RFX4: variants seen among roughly 807,000 people sequenced by gnomAD.
The protein encoded by RFX4 is transcription factor RFX4.
A neutral mutation model predicts 95.0 loss-of-function variants in RFX4; 10 were observed. The ratio of observed to expected loss-of-function variants is 0.11; its 90% CI spans 0.06 to 0.18. The LOEUF is 0.18. Among genes scored for constraint, RFX4 ranks in the 10% least tolerant of loss-of-function variants. The pLI, the probability that RFX4 is intolerant of heterozygous loss-of-function variation, is 1.00. For missense variants in RFX4, 640 were observed against 922.0 expected (o/e 0.69, Z 3.96); for synonymous variants, 321 against 340.7 (o/e 0.94, Z 0.64).
At chr12:106,700,358 TA>T (rs60943834) in intron 8 of RFX4, among the ~76,000 whole-genome samples, 4 of 150,994 alleles carry the variant, frequency 2.6e-5, no homozygotes, top group Non-Finnish European at 4.4e-5. Flanking sequence ...AAATACCTCT[TA>T]AAAAAAATTT....
At chr12:106,589,102 C>T (rs1000848644) in intron 1 of RFX4, among the ~76,000 whole-genome samples, 19 of 152,008 alleles carry the variant, frequency 1.2e-4, no homozygotes, top group Non-Finnish European at 1.5e-5. Context: ...GTGGGAGAAA[C>T]CCCCAATGTT....
At chr12:106,760,969 C>T (rs528398294) in intron 17 of RFX4, among the ~76,000 whole-genome samples, 3 of 152,172 alleles carry the variant, frequency 2.0e-5, no homozygotes, top group Admixed American at 1.3e-4. Context: ...CCAGTATAAC[C>T]GCATGAGTAA....
intron 4 of RFX4, among the ~76,000 whole-genome samples, chr12:106,667,741 G>A (rs959390300): frequency 3.3e-5 from 5 of 152,128 alleles, no homozygotes; most frequent in Admixed American, 3.3e-4. Context: ...CCTCTCTTAA[G>A]AACCCAAGAA....
At chr12:106,668,899 T>C (rs2041228894) in intron 4 of RFX4, among the ~76,000 whole-genome samples, 1 of 152,234 alleles carries the variant, frequency 6.6e-6, no homozygotes, top group Admixed American at 6.5e-5. Flanking sequence ...GGCTGGCTTA[T>C]GGATAGGCAC....
At position 106,724,195 on chromosome 12, in the gene RFX4, T is replaced by C. The variant is rs147093081; in HGVS notation, c.1351+3319T>C. 4.7e-3 allele frequency among the ~76,000 whole-genome samples: 710 copies of C among 152,346 alleles called. 18 individuals are homozygous for C. The highest frequency in any genetic ancestry group is 0.043 in the Admixed American group (660 of 15,296). On this transcript the variant is annotated intron_variant, in intron 13 of 17. Transcript: ENST00000392842. ...GCAAAGACAAGATAATGATGACTAT[T>C]ATAAGAAATATTTTGGAAGCACATA...
Position 106,622,939 on chromosome 12 carries a change from CT to C in RFX4, c.130+14057del, listed in dbSNP as rs368508834. ...CCTGCCCAAATTGCATTTTTTCCCC[CT>C]AGCAGGTGTCAAGAGTCTTGCCCAA... On this transcript the variant is annotated intron_variant, in intron 2 of 17. Transcript: ENST00000392842. Among the ~76,000 whole-genome samples, 412 of 151,578 alleles carry C rather than the reference CT, an allele frequency of 2.7e-3. 1 individual carries two copies. Among genetic ancestry groups the C allele is most frequent in the African/African-American group, 9.4e-3 (389 of 41,382 alleles).
intron 6 of RFX4, 134 bp downstream of exon 6, chr12:106,687,231 T>TA: frequency 1.3e-6 from 1 of 745,208 alleles, no homozygotes; most frequent in East Asian, 2.7e-5. Flanking sequence ...CACACATTTA[T>TA]TGCAAAACCG....
In RFX4 at chr12:106,586,980, T is replaced by TGC. The variant is rs1202900552; in HGVS notation, c.43+3627_43+3628dup. Among the ~76,000 whole-genome samples, 2 of 152,020 alleles carry TGC rather than the reference T, an allele frequency of 1.3e-5. No homozygotes were observed. The highest frequency in any genetic ancestry group is 2.9e-5 in the Non-Finnish European group (2 of 67,992). On this transcript the variant is annotated intron_variant, in intron 1 of 17. Coordinates refer to ENST00000392842, the MANE Select transcript of RFX4 (RefSeq NM_213594.3). The surrounding 1 kb of genome is among the most constrained non-coding windows in gnomAD (Gnocchi z 5.6). ...CTCGCCCTCCCCGGGCGTGTGTGTGTGCGCGCGCGCGGGCGAACGGGGCAT... is the reference window on the plus strand; with the variant it reads ...CTCGCCCTCCCCGGGCGTGTGTGTGTGCGCGCGCGCGCGGGCGAACGGGGCAT...
intron 16 of RFX4, among the ~76,000 whole-genome samples, 177 bp from the exon 17 acceptor site, chr12:106,750,478 A>C (rs1311332869): frequency 7.0e-6 from 1 of 142,572 alleles, no homozygotes; most frequent in Admixed American, 6.8e-5. Context: ...CCCTGACTCA[A>C]AAAAAAAAAA....
Position 106,715,450 on chromosome 12 carries a change from A to C in RFX4, c.1044A>C (p.Glu348Asp), listed in dbSNP as rs750268728. The change falls in exon 11 of 18, where the codon GAA (glutamate) becomes GAC (aspartate). Residue 348 changes from glutamate to aspartate, a missense_variant. Physicochemically the swap from Glu to Asp is conservative, Grantham distance 45 (BLOSUM62 2). Coordinates refer to ENST00000392842, the MANE Select transcript of RFX4 (RefSeq NM_213594.3). ...HSADITFQMLEDWRNVDLNSI... is the reference protein window; with the variant it reads ...HSADITFQMLDDWRNVDLNSI... ...CAGACATCACGTTCCAAATGCTGGA[A>C]GACTGGAGGAACGTGGACCTGAACA... 1.9e-6 allele frequency: 3 copies of C among 1,614,220 alleles called. No homozygotes were observed. In the South Asian group the frequency reaches 3.3e-5, roughly 18 times the overall value.
At chr12:106,725,392 A>G (rs2042474548) in intron 13 of RFX4, among the ~76,000 whole-genome samples, 1 of 152,236 alleles carries the variant, frequency 6.6e-6, no homozygotes, top group Admixed American at 6.5e-5. Flanking sequence ...ATATGTAAAC[A>G]TATTTAATTA....
chr12:106,743,510 C>G (rs767594246), intron 15 of RFX4, among the ~76,000 whole-genome samples: 9 of 152,144 alleles, frequency 5.9e-5, no homozygotes, highest in Non-Finnish European at 1.3e-4. Context: ...GTTTTGTTCC[C>G]CAGACCACAG....
At chr12:106,739,252 T>C (rs2042765190) in intron 15 of RFX4, among the ~76,000 whole-genome samples, 1 of 152,196 alleles carries the variant, frequency 6.6e-6, no homozygotes, top group Non-Finnish European at 1.5e-5. Context: ...TTTTTTTGGG[T>C]TTCCAGCATA....
At chr12:106,723,531 G>C (rs930670367) in intron 13 of RFX4, among the ~76,000 whole-genome samples, 1 of 152,166 alleles carries the variant, frequency 6.6e-6, no homozygotes, top group African/African-American at 2.4e-5. Flanking sequence ...GCCTGGGTGT[G>C]ACAGCTGAGG....
chr12:106,624,687 A>G (rs1418133734), intron 2 of RFX4, among the ~76,000 whole-genome samples: 1 of 152,134 alleles, frequency 6.6e-6, no homozygotes, highest in Non-Finnish European at 1.5e-5. Context: ...GAAGAAGAAA[A>G]GGAATAGACC....
intron 2 of RFX4, among the ~76,000 whole-genome samples, chr12:106,621,054 C>T (rs2040175259): frequency 6.6e-6 from 1 of 152,058 alleles, no homozygotes; most frequent in South Asian, 2.1e-4. Context: ...TTTCAAGGTG[C>T]ACTGATTTCA....
chr12:106,591,310 C>T (rs942846479), intron 1 of RFX4, among the ~76,000 whole-genome samples: 9 of 144,840 alleles, frequency 6.2e-5, no homozygotes, highest in East Asian at 2.0e-4. Context: ...CACTGTCACC[C>T]GGGCTGGAGT....
intron 15 of RFX4, among the ~76,000 whole-genome samples, chr12:106,737,876 T>C (rs546403698): frequency 7.3e-4 from 111 of 152,324 alleles, no homozygotes; most frequent in Admixed American, 6.9e-3. Context: ...TCAAACTGTA[T>C]TTTGTTTTCT....
chr12:106,715,170 C>A, intron 10 of RFX4: 1 of 479,122 alleles, frequency 2.1e-6, no homozygotes, highest in Non-Finnish European at 3.7e-6. Flanking sequence ...CCCACCCTCG[C>A]AGTTTCTTGT....
Sources: gnomAD v4.1 joint callset for allele counts (sites outside exome capture counted in the v4.1 genomes callset) on GRCh38, gnomAD v4.1.1 for gene constraint, Gnocchi (gnomAD v3.1) non-coding constraint, MANE v1.5 for transcripts, NCBI Gene and HGNC (gene_info 2026-07-23, HGNC 2026-07-21) for gene names.